TBC1D5: variants seen among roughly 807,000 people sequenced by gnomAD.
The protein encoded by TBC1D5 is TBC1 domain family, member 5.
Under a neutral mutation model 100.3 loss-of-function variants are expected in TBC1D5, and 75 were observed. That is an observed-to-expected ratio of 0.75 (90% CI 0.62 to 0.91). The LOEUF (loss-of-function observed/expected upper bound fraction) is 0.91, where lower values mean the gene tolerates loss of function less well. TBC1D5 is among the 40% of genes least tolerant of loss of function. The pLI, the probability that TBC1D5 is intolerant of heterozygous loss-of-function variation, is 0.00. For missense variants in TBC1D5, 910 were observed against 942.4 expected (o/e 0.97, Z 0.45); for synonymous variants, 323 against 325.6 (o/e 0.99, Z 0.09).
intron 17 of TBC1D5, among the ~76,000 whole-genome samples, chr3:17,215,804 A>T (rs1195746302): frequency 6.6e-6 from 1 of 152,168 alleles, no homozygotes; most frequent in Non-Finnish European, 1.5e-5. Flanking sequence ...CAAGTAGATA[A>T]TAAGAGATAC....
At position 17,717,553 on chromosome 3, in the gene TBC1D5, A is replaced by T. The variant is rs554944250; in HGVS notation, c.-101+21790T>A. On this transcript the variant is annotated intron_variant, in intron 1 of 21. Coordinates refer to ENST00000253692, the Ensembl canonical transcript of TBC1D5. ...ATCCCATGTACTCCTCTAACTTTGTACATGGCTTGTTCATCATATACTGAT... is the reference window on the plus strand; with the variant it reads ...ATCCCATGTACTCCTCTAACTTTGTTCATGGCTTGTTCATCATATACTGAT... 9.7e-4 allele frequency among the ~76,000 whole-genome samples: 148 copies of T among 152,348 alleles called. 2 individuals carry two copies. The highest frequency in any genetic ancestry group is 1.7e-3 in the Non-Finnish European group (113 of 68,030).
At chr3:17,280,257 G>A (rs2080435504) in intron 15 of TBC1D5, among the ~76,000 whole-genome samples, 1 of 152,180 alleles carries the variant, frequency 6.6e-6, no homozygotes, top group African/African-American at 2.4e-5. Context: ...AGACTTAAAG[G>A]AGGATGAGCA....
chr3:17,546,795 A>AAAAGAAAGAAAG (rs528872276), intron 2 of TBC1D5, among the ~76,000 whole-genome samples: 1 of 151,884 alleles, frequency 6.6e-6, no homozygotes, highest in Non-Finnish European at 1.5e-5. Context: ...AAAAAAAAAA[A>AAAAGAAAGAAAG]AAAGAAAGAA....
intron 2 of TBC1D5, among the ~76,000 whole-genome samples, chr3:17,526,077 G>C (rs1030347302): frequency 6.6e-6 from 1 of 151,958 alleles, no homozygotes; most frequent in African/African-American, 2.4e-5. Flanking sequence ...CAAAACAGGA[G>C]GTTTCTTTCT....
At chr3:17,404,575 G>T in intron 7 of TBC1D5, 119 bp downstream of exon 7, 2 of 860,410 alleles carry the variant, frequency 2.3e-6, no homozygotes, top group Non-Finnish European at 3.6e-6. Context: ...GGTACTGTAT[G>T]TGGAATAAAG....
At chr3:17,542,722 G>C (rs1213791836) in intron 2 of TBC1D5, among the ~76,000 whole-genome samples, 1 of 152,072 alleles carries the variant, frequency 6.6e-6, no homozygotes, top group Non-Finnish European at 1.5e-5. Flanking sequence ...ATGATCATGT[G>C]CTTTTTTCCC....
At chr3:17,627,699 T>C (rs2063171977) in intron 1 of TBC1D5, among the ~76,000 whole-genome samples, 2 of 151,420 alleles carry the variant, frequency 1.3e-5, no homozygotes, top group African/African-American at 2.4e-5. Flanking sequence ...AGGGGCTATG[T>C]TAGGATATAA....
intron 4 of TBC1D5, among the ~76,000 whole-genome samples, chr3:17,426,556 C>T (rs2094340742): frequency 6.6e-6 from 1 of 151,988 alleles, no homozygotes. Flanking sequence ...TCTAACATTA[C>T]AACATTGATT....
intron 2 of TBC1D5, among the ~76,000 whole-genome samples, chr3:17,561,606 C>A (rs556694519): frequency 3.3e-5 from 5 of 152,074 alleles, no homozygotes; most frequent in Non-Finnish European, 1.5e-5. Flanking sequence ...TAATATAATA[C>A]CAGGCCTCAA....
intron 1 of TBC1D5, among the ~76,000 whole-genome samples, chr3:17,655,480 A>C (rs2065976158): frequency 6.6e-6 from 1 of 151,976 alleles, no homozygotes; most frequent in South Asian, 2.1e-4. Context: ...AATTAAATTA[A>C]ATTAAAAAAT....
In TBC1D5 at chr3:17,239,717, A is replaced by G. The variant is rs74824253; in HGVS notation, c.1332-1298T>C. 1.1e-3 allele frequency among the ~76,000 whole-genome samples: 162 copies of G among 152,190 alleles called. 1 individual carries two copies. The highest frequency in any genetic ancestry group is 1.7e-3 in the Non-Finnish European group (119 of 68,006). On this transcript the variant is annotated intron_variant, in intron 16 of 21. Transcript: ENST00000253692. ...ATTTTGTCTCTTGGCCAGCACCTGT[A>G]TTATAACTGTGCCTGGCAAATAGAG...
intron 2 of TBC1D5, among the ~76,000 whole-genome samples, chr3:17,591,253 A>AAC (rs2096768224): frequency 7.3e-6 from 1 of 137,190 alleles, no homozygotes; most frequent in East Asian, 2.0e-4. Flanking sequence ...AAAAAAAAAA[A>AAC]AAAAAAAAAA....
At chr3:17,656,801 TTTTA>T (rs1333175428) in intron 1 of TBC1D5, among the ~76,000 whole-genome samples, 3 of 149,562 alleles carry the variant, frequency 2.0e-5, no homozygotes, top group South Asian at 2.2e-4. Flanking sequence ...GAACTAGATA[TTTTA>T]TTTATCATCA....
intron 1 of TBC1D5, among the ~76,000 whole-genome samples, chr3:17,707,514 T>C (rs966828353): frequency 6.6e-6 from 1 of 152,110 alleles, no homozygotes; most frequent in Non-Finnish European, 1.5e-5. Flanking sequence ...CTTTACAACA[T>C]CAACAAAATC....
intron 3 of TBC1D5, among the ~76,000 whole-genome samples, chr3:17,488,030 T>C (rs539389797): frequency 9.9e-5 from 15 of 152,222 alleles, no homozygotes; most frequent in Non-Finnish European, 2.1e-4. Context: ...CTTTGTGCTA[T>C]ACATTTTATA....
chr3:17,228,714 G>A (rs1378773591), intron 17 of TBC1D5, among the ~76,000 whole-genome samples: 1 of 142,430 alleles, frequency 7.0e-6, no homozygotes, highest in African/African-American at 2.6e-5. Flanking sequence ...TTTGTAAGTT[G>A]CACAAAGTTA....
At chr3:17,678,066 C>T (rs1334360465) in intron 1 of TBC1D5, among the ~76,000 whole-genome samples, 6 of 152,058 alleles carry the variant, frequency 3.9e-5, no homozygotes, top group Admixed American at 3.9e-4. Flanking sequence ...GTGCAGCACA[C>T]CAGCATGGCA....
At chr3:17,510,708 T>C (rs1280988536) in intron 2 of TBC1D5, among the ~76,000 whole-genome samples, 1 of 152,034 alleles carries the variant, frequency 6.6e-6, no homozygotes, top group East Asian at 1.9e-4. Flanking sequence ...CAAATTCAAA[T>C]GTCTAATGAG....
At position 17,727,978 on chromosome 3, in the gene TBC1D5, G is replaced by A. The variant is rs780104236; in HGVS notation, c.-101+11365C>T. On this transcript the variant is annotated intron_variant, in intron 1 of 21. Coordinates refer to ENST00000253692, the Ensembl canonical transcript of TBC1D5. ...CACTCTAAGAACATAACAATATTTT[G>A]ATACTAGAAAAATCTGTTAATATAA... Among the ~76,000 whole-genome samples, 80 of 152,078 alleles carry A rather than the reference G, an allele frequency of 5.3e-4. 1 individual carries two copies. The highest frequency in any genetic ancestry group is 1.0e-3 in the Non-Finnish European group (70 of 68,038).
Sources: gnomAD v4.1 joint callset for allele counts (sites outside exome capture counted in the v4.1 genomes callset) on GRCh38, gnomAD v4.1.1 for gene constraint, MANE v1.5 for transcripts, NCBI Gene and HGNC (gene_info 2026-07-23, HGNC 2026-07-21) for gene names.